Variants in RBL1 observed in about 807,000 individuals in gnomAD.
The protein encoded by RBL1 is RB transcriptional corepressor like 1.
RBL1 carries 82 observed loss-of-function variants against 123.0 expected under a neutral mutation model. The observed-to-expected ratio is 0.67, with a 90% CI of 0.56 to 0.80. The LOEUF (loss-of-function observed/expected upper bound fraction) is 0.80, where lower values mean the gene tolerates loss of function less well. RBL1 is among the 30% of genes least tolerant of loss of function. RBL1 has a pLI of 0.00. For missense variants in RBL1, 1,171 were observed against 1,299.6 expected (o/e 0.90, Z 1.52); for synonymous variants, 405 against 441.3 (o/e 0.92, Z 1.03).
chr20:37,032,134 T>A (rs921237688), intron 16 of RBL1, among the ~76,000 whole-genome samples: 2 of 152,200 alleles, frequency 1.3e-5, no homozygotes, highest in East Asian at 1.9e-4. Context: ...CATCAGCAGA[T>A]GAATGAATAA....
At chr20:37,078,883 G>T (rs1199921721) in intron 2 of RBL1, among the ~76,000 whole-genome samples, 1 of 150,936 alleles carries the variant, frequency 6.6e-6, no homozygotes, top group African/African-American at 2.4e-5. Context: ...TCTTTTTTTG[G>T]GGGGCGGGCA....
chr20:37,035,619 T>C, intron 14 of RBL1, 111 bp from the exon 15 acceptor site: 5 of 926,670 alleles, frequency 5.4e-6, no homozygotes, highest in Non-Finnish European at 7.8e-6. Flanking sequence ...TAGCTAGATA[T>C]GAATAACATG....
At chr20:37,063,149 C>T (rs2065122628) in intron 7 of RBL1, among the ~76,000 whole-genome samples, 2 of 152,136 alleles carry the variant, frequency 1.3e-5, no homozygotes, top group Non-Finnish European at 2.9e-5. Flanking sequence ...CCAGTCTTGG[C>T]ACACTGCAGC....
intron 20 of RBL1, among the ~76,000 whole-genome samples, chr20:37,004,997 T>G (rs962523321): frequency 2.0e-5 from 3 of 152,022 alleles, no homozygotes; most frequent in Admixed American, 2.0e-4. Context: ...GCTGCGATTA[T>G]GTCACTGCAC....
intron 11 of RBL1, among the ~76,000 whole-genome samples, chr20:37,050,886 G>C (rs2064899433): frequency 1.3e-5 from 2 of 151,890 alleles, no homozygotes; most frequent in South Asian, 4.1e-4. Flanking sequence ...ATACTACTAA[G>C]TGGGAATGAG....
chr20:37,015,082 A>G (rs2064228624), intron 19 of RBL1, among the ~76,000 whole-genome samples: 1 of 151,092 alleles, frequency 6.6e-6, no homozygotes, highest in African/African-American at 2.4e-5. Context: ...AAAAAAAAAA[A>G]AGAAAGAAAG....
chr20:37,094,137 T>C (rs540532756), intron 1 of RBL1, among the ~76,000 whole-genome samples: 2 of 152,140 alleles, frequency 1.3e-5, no homozygotes, highest in Non-Finnish European at 2.9e-5. Flanking sequence ...ACTTGTCATA[T>C]TCAAGAATCT....
At chr20:37,049,873 A>G (rs2064878293) in intron 11 of RBL1, among the ~76,000 whole-genome samples, 1 of 151,622 alleles carries the variant, frequency 6.6e-6, no homozygotes, top group Non-Finnish European at 1.5e-5. Context: ...GACCAGCCTG[A>G]CTAACATGGA....
intron 9 of RBL1, among the ~76,000 whole-genome samples, chr20:37,059,014 A>G (rs1013803562): frequency 6.6e-6 from 1 of 152,192 alleles, no homozygotes; most frequent in Non-Finnish European, 1.5e-5. Context: ...AATTACAGGC[A>G]TGGGCCACAA....
chr20:37,000,833 G>A (rs1252947913), intron 21 of RBL1, among the ~76,000 whole-genome samples: 1 of 138,464 alleles, frequency 7.2e-6, no homozygotes. Flanking sequence ...CCTCTGCCTG[G>A]CCGCCCCTAC....
In RBL1 at chr20:37,011,409, C is replaced by T. The variant is rs373933010; in HGVS notation, c.2723-3850G>A. Among the ~76,000 whole-genome samples the T allele has an allele frequency of 1.3e-3, 189 of 150,906 alleles. 6 individuals are homozygous for T. The South Asian group carries it at 0.038, about 30-fold the overall frequency. On this transcript the variant is annotated intron_variant, in intron 19 of 21. Transcript: ENST00000373664. ...ATCTCAGTCAATGACCAATGCTTTGCTCATTAACATACTCAAGGTCAGAAT... is the reference window on the plus strand; with the variant it reads ...ATCTCAGTCAATGACCAATGCTTTGTTCATTAACATACTCAAGGTCAGAAT...
At chr20:37,001,156 C>A (rs1171953121) in intron 21 of RBL1, among the ~76,000 whole-genome samples, 4 of 150,370 alleles carry the variant, frequency 2.7e-5, no homozygotes, top group Admixed American at 1.3e-4. Flanking sequence ...CCAGCCGCCC[C>A]GTCCGGGAGG....
At chr20:37,011,929 G>A (rs942698139) in intron 19 of RBL1, among the ~76,000 whole-genome samples, 5 of 152,116 alleles carry the variant, frequency 3.3e-5, no homozygotes, top group Admixed American at 1.3e-4. Flanking sequence ...ATGCCGAGCC[G>A]AAGCTGGACT....
chr20:37,007,057 G>A (rs2064086080), intron 20 of RBL1, among the ~76,000 whole-genome samples: 1 of 151,900 alleles, frequency 6.6e-6, no homozygotes, highest in Non-Finnish European at 1.5e-5. Flanking sequence ...GACCAGCCTG[G>A]CCAACATGGT....
chr20:37,089,558 C>T (rs1029212699), intron 1 of RBL1, among the ~76,000 whole-genome samples: 3 of 151,442 alleles, frequency 2.0e-5, no homozygotes, highest in South Asian at 2.1e-4. Flanking sequence ...GCAAGAGTAT[C>T]GCTTAAGCTC....
Position 37,095,975 on chromosome 20 carries a change from TC to T in RBL1, c.-48del. The stretch of plus-strand genomic sequence containing the variant: ...CGCGCCACGGCCCCCGACTTCTTTC[TC>T]CCTCCCAGGCGCGCTACCCACAACC... On this transcript the variant is annotated 5_prime_UTR_variant, in exon 1 of 22. Transcript: ENST00000373664. The T allele has an allele frequency of 1.4e-6, 2 of 1,419,768 alleles. No individual in the cohort carries two copies. The highest frequency in any genetic ancestry group is 9.3e-7 in the Non-Finnish European group (1 of 1,071,016). The allele number at this position is 1,419,768 out of a possible 1,614,324, so 87.9% of individuals were successfully genotyped here.
chr20:37,073,902 C>G (rs947812861), intron 2 of RBL1, among the ~76,000 whole-genome samples: 1 of 150,848 alleles, frequency 6.6e-6, no homozygotes, highest in Non-Finnish European at 1.5e-5. Context: ...GTCAGGAGAT[C>G]GAGACCATCC....
At chr20:37,001,174 C>T (rs2063972992) in intron 21 of RBL1, among the ~76,000 whole-genome samples, 1 of 150,006 alleles carries the variant, frequency 6.7e-6, no homozygotes, top group African/African-American at 2.5e-5. Context: ...AGGTGAGGGG[C>T]GCCTCTGCCC....
chr20:37,075,283 T>C (rs1467198014), intron 2 of RBL1, among the ~76,000 whole-genome samples: 2 of 152,100 alleles, frequency 1.3e-5, no homozygotes, highest in Admixed American at 1.3e-4. Context: ...TGGATTGTGG[T>C]GGTGGTACAC....
Sources: gnomAD v4.1 joint callset for allele counts (sites outside exome capture counted in the v4.1 genomes callset) on GRCh38, gnomAD v4.1.1 for gene constraint, MANE v1.5 for transcripts, NCBI Gene and HGNC (gene_info 2026-07-23, HGNC 2026-07-21) for gene names.